The following SLC16A1 variants were observed in gnomAD, a reference collection of about 807,000 sequenced individuals.
SLC16A1 encodes the protein monocarboxylate transporter 1.
SLC16A1 carries 11 observed loss-of-function variants against 32.2 expected under a neutral mutation model. That is an observed-to-expected ratio of 0.34 (90% confidence interval 0.21 to 0.56). The LOEUF is 0.56. Among genes scored for constraint, SLC16A1 ranks in the 20% least tolerant of loss-of-function variants. The probability of loss-of-function intolerance (pLI) is 0.87; values close to 1 mark genes in which losing one functional copy is unlikely to be tolerated. For synonymous variants in SLC16A1, 231 were observed against 226.8 expected, an observed-to-expected ratio of 1.02 and a Z score of -0.17; for missense variants, 435 against 615.0, an observed-to-expected ratio of 0.71 and a Z score of 3.10.
At chr1:112,921,922 T>C in intron 3 of SLC16A1, 68 bp downstream of exon 3, 1 of 1,539,246 alleles carries the variant, frequency 6.5e-7, no homozygotes, top group Non-Finnish European at 9.0e-7. Flanking sequence ...ATCTGAAAGA[T>C]GAATGCAGGT....
intron 1 of SLC16A1, among the ~76,000 whole-genome samples, chr1:112,934,106 A>G (rs1379777758): frequency 6.6e-6 from 1 of 152,236 alleles, no homozygotes; most frequent in Non-Finnish European, 1.5e-5. Context: ...TGTATTCTAT[A>G]TGGTCACATT....
intron 4 of SLC16A1, among the ~76,000 whole-genome samples, chr1:112,916,171 CTTTT>C (rs11299751): frequency 5.9e-5 from 7 of 119,552 alleles, no homozygotes; most frequent in Non-Finnish European, 3.6e-5. Context: ...CTGAAATAAA[CTTTT>C]TTTTTTTTTT....
chr1:112,921,482 G>A (rs1420946417), intron 3 of SLC16A1, among the ~76,000 whole-genome samples: 3 of 152,166 alleles, frequency 2.0e-5, no homozygotes, highest in African/African-American at 7.2e-5. Flanking sequence ...AAAAAAAGGT[G>A]TATCTGTGCA....
At position 112,914,032 on chromosome 1, in the gene SLC16A1, T is replaced by G; in HGVS notation, c.1362A>C (p.Ala454=). ...NYRLLAKEQK[A]NEQKKESKEE... ...CTTTACTTTCCTTTTTCTGCTCGTTTGCTTTCTGTTCTTTTGCCAAAAGTC... is the reference window on the plus strand; with the variant it reads ...CTTTACTTTCCTTTTTCTGCTCGTTGGCTTTCTGTTCTTTTGCCAAAAGTC... The change falls in exon 5 of 5, where the codon GCA becomes GCC. Residue 454 remains alanine, a synonymous_variant. Coordinates refer to ENST00000369626, the MANE Select transcript of SLC16A1 (RefSeq NM_003051.4). The G allele has an allele frequency of 6.2e-7, 1 of 1,614,208 alleles. No individual in the cohort carries two copies. Among genetic ancestry groups the G allele is most frequent in the East Asian group, 2.2e-5 (1 of 44,888 alleles).
chr1:112,914,204 G>A (rs747083471), intron 4 of SLC16A1, 39 bp from the exon 5 acceptor site: 1 of 1,612,156 alleles, frequency 6.2e-7, no homozygotes, highest in Admixed American at 1.7e-5. Context: ...GTTTCTAAGA[G>A]TAAACAGTTT....
At chr1:112,931,644 CAAAAAAAAAAAAA>C (rs561013159) in intron 1 of SLC16A1, among the ~76,000 whole-genome samples, 4 of 62,028 alleles carry the variant, frequency 6.4e-5, no homozygotes, top group Non-Finnish European at 3.1e-5. Flanking sequence ...TACTCTGTCT[CAAAAAAAAAAAAA>C]AAAAAAAAAA....
intron 1 of SLC16A1, among the ~76,000 whole-genome samples, chr1:112,948,171 A>C (rs569302768): frequency 2.6e-5 from 4 of 152,246 alleles, no homozygotes; most frequent in African/African-American, 7.2e-5. Flanking sequence ...AAGTGAGCCA[A>C]CATCACGCCA....
intron 1 of SLC16A1, among the ~76,000 whole-genome samples, chr1:112,946,121 A>G (rs1318913213): frequency 6.6e-6 from 1 of 152,218 alleles, no homozygotes; most frequent in Non-Finnish European, 1.5e-5. Context: ...GAATTTCTGC[A>G]AATTCTATTT....
At chr1:112,952,902 C>A (rs892578028) in intron 1 of SLC16A1, among the ~76,000 whole-genome samples, 8 of 152,128 alleles carry the variant, frequency 5.3e-5, no homozygotes. Context: ...ACCTAATAAA[C>A]TCGTATTTGT....
intron 1 of SLC16A1, among the ~76,000 whole-genome samples, chr1:112,933,287 A>C (rs1014950302): frequency 3.7e-4 from 56 of 151,974 alleles, no homozygotes; most frequent in African/African-American, 1.4e-3. Flanking sequence ...GGCTGTCTCT[A>C]CTAAAAATAC....
intron 3 of SLC16A1, among the ~76,000 whole-genome samples, chr1:112,920,376 G>A (rs930522888): frequency 2.7e-4 from 41 of 152,190 alleles, no homozygotes; most frequent in African/African-American, 9.2e-4. Context: ...GGGAGGCAGC[G>A]GCAGGCGGAC....
chr1:112,949,689 TTAATA>T (rs1202363794), intron 1 of SLC16A1, among the ~76,000 whole-genome samples: 5 of 152,088 alleles, frequency 3.3e-5, no homozygotes, highest in Non-Finnish European at 7.4e-5. Flanking sequence ...TTTTCTTTTT[TTAATA>T]TAATTTTATT....
Position 112,929,074 on chromosome 1 carries a change from G to A in SLC16A1, c.217+18C>T. The A allele has an allele frequency of 1.3e-5, 20 of 1,575,600 alleles. No individual in the cohort carries two copies. Among genetic ancestry groups the A allele is most frequent in the East Asian group, 2.2e-5 (1 of 44,700 alleles). ...TGCTTCATGAAAATTAAAAGAGCAG[G>A]CCTTAATGGGTACTTACCTCCACCA... is the stretch of plus-strand genomic sequence containing the variant. On this transcript the variant is annotated intron_variant, in intron 2 of 4. Transcript: ENST00000369626.
chr1:112,921,140 C>CAAAA (rs11352959), intron 3 of SLC16A1, among the ~76,000 whole-genome samples: 1 of 88,506 alleles, frequency 1.1e-5, no homozygotes. Context: ...GACTCCGTCT[C>CAAAA]AAAAAAAAAA....
At chr1:112,947,635 GT>G (rs1240426980) in intron 1 of SLC16A1, among the ~76,000 whole-genome samples, 1 of 152,014 alleles carries the variant, frequency 6.6e-6, no homozygotes, top group Non-Finnish European at 1.5e-5. Flanking sequence ...CATTTTAAAC[GT>G]TTTTAAACCA....
chr1:112,922,810 G>C (rs143404865), intron 2 of SLC16A1, among the ~76,000 whole-genome samples: 1 of 152,132 alleles, frequency 6.6e-6, no homozygotes, highest in Non-Finnish European at 1.5e-5. Flanking sequence ...CATGTTAGTA[G>C]AAAGTATGTT....
rs752233143 is a variant in SLC16A1, at chr1:112,917,096, CTAATG to C, written c.1228+77_1228+81del. ...GATTTATTCTTACCCAAATAGCTCA[CTAATG>C]TTTGCTTTCTGTCAGCATTCCCATC... On this transcript the variant is annotated intron_variant, in intron 4 of 4. Coordinates refer to ENST00000369626, the MANE Select transcript of SLC16A1 (RefSeq NM_003051.4). This position sits in a 1 kb window ranked among gnomAD's most constrained non-coding sequence, Gnocchi z 4.1. 1.3e-6 allele frequency: 2 copies of C among 1,561,710 alleles called. No individual in the cohort carries two copies. The highest frequency in any genetic ancestry group is 2.7e-5 in the African/African-American group (2 of 73,900).
At chr1:112,929,444 T>A in intron 1 of SLC16A1, 92 bp from the exon 2 acceptor site, 4 of 751,182 alleles carry the variant, frequency 5.3e-6, no homozygotes, top group Non-Finnish European at 9.0e-6. Flanking sequence ...TCGTGGTGGA[T>A]CATGCCTATT....
In SLC16A1 at chr1:112,922,011, C is replaced by G. The variant is rs756546835; in HGVS notation, c.340G>C (p.Val114Leu). The G allele has an allele frequency of 6.2e-7, 1 of 1,614,054 alleles. No individual in the cohort carries two copies. The highest frequency in any genetic ancestry group is 1.3e-5 in the African/African-American group (1 of 74,928). ...SFCNTVQQLY[V>L]CIGVIGGLGL... ...TCACCTCCAATGACTCCAATACAGA[C>G]GTATAGTTGCTGTACGGTGTTACAG... The change falls in exon 3 of 5, where the codon GTC becomes CTC. Residue 114 changes from valine to leucine, a missense_variant. Transcript: ENST00000369626.
Sources: allele counts gnomAD v4.1 joint callset (sites outside exome capture counted in the v4.1 genomes callset), GRCh38; gene constraint gnomAD v4.1.1; non-coding constraint Gnocchi (gnomAD v3.1); transcripts MANE v1.5; gene names NCBI Gene and HGNC (gene_info 2026-07-23, HGNC 2026-07-21).